Variants in ATXN7L1 observed in about 807,000 individuals in gnomAD.
ATXN7L1 encodes the protein ataxin-7-like protein 1.
ATXN7L1 carries 15 observed loss-of-function variants against 70.8 expected under a neutral mutation model. That is an observed-to-expected ratio of 0.21 (90% CI 0.14 to 0.33). ATXN7L1 has a LOEUF of 0.33. Among genes scored for constraint, ATXN7L1 ranks in the 10% least tolerant of loss-of-function variants. ATXN7L1 has a pLI of 1.00. For missense variants in ATXN7L1, 975 were observed against 1,097.1 expected, an observed-to-expected ratio of 0.89 and a Z score of 1.57; for synonymous variants, 440 against 445.1, an observed-to-expected ratio of 0.99 and a Z score of 0.14.
At chr7:105,840,204 A>T (rs1813003862) in intron 2 of ATXN7L1, among the ~76,000 whole-genome samples, 1 of 152,172 alleles carries the variant, frequency 6.6e-6, no homozygotes, top group South Asian at 2.1e-4. Flanking sequence ...TGAGTGTAGG[A>T]GCAGAGTGAC....
At chr7:105,616,467 C>T (rs1793907230) in intron 9 of ATXN7L1, among the ~76,000 whole-genome samples, 1 of 152,184 alleles carries the variant, frequency 6.6e-6, no homozygotes, top group African/African-American at 2.4e-5. Context: ...GGATCAAATA[C>T]AAGAGAAAAA....
intron 2 of ATXN7L1, among the ~76,000 whole-genome samples, chr7:105,830,619 T>A (rs886480118): frequency 6.6e-5 from 10 of 152,274 alleles, no homozygotes; most frequent in Non-Finnish European, 1.2e-4. Flanking sequence ...ATTCCTGTAT[T>A]CTTACAGAGC....
chr7:105,742,077 T>C (rs1013069964), intron 3 of ATXN7L1, among the ~76,000 whole-genome samples: 3 of 152,170 alleles, frequency 2.0e-5, no homozygotes, highest in African/African-American at 7.2e-5. Context: ...CGCAAACTAA[T>C]GCAGTGGTGT....
intron 5 of ATXN7L1, among the ~76,000 whole-genome samples, chr7:105,639,890 TGCTCTTAAC>T (rs1797923986): frequency 6.6e-6 from 1 of 152,218 alleles, no homozygotes; most frequent in African/African-American, 2.4e-5. Flanking sequence ...CTGCTCTTAA[TGCTCTTAAC>T]GCTTTATTTT....
chr7:105,819,891 C>T, intron 2 of ATXN7L1: 1 of 565,876 alleles, frequency 1.8e-6, no homozygotes, highest in Non-Finnish European at 3.4e-6. Flanking sequence ...CTACAAGAAA[C>T]TTTGCCTACG....
intron 11 of ATXN7L1, among the ~76,000 whole-genome samples, chr7:105,609,370 T>C (rs1040316374): frequency 6.6e-6 from 1 of 152,178 alleles, no homozygotes; most frequent in African/African-American, 2.4e-5. Context: ...GGTTTCACCA[T>C]GTGGGCAAGG....
At chr7:105,852,963 A>G (rs1453258218) in intron 2 of ATXN7L1, among the ~76,000 whole-genome samples, 3 of 152,110 alleles carry the variant, frequency 2.0e-5, no homozygotes, top group Admixed American at 2.0e-4. Context: ...AAGGACACAC[A>G]CTGCATGAAT....
chr7:105,832,721 A>T (rs1811797073), intron 2 of ATXN7L1, among the ~76,000 whole-genome samples: 1 of 152,182 alleles, frequency 6.6e-6, no homozygotes, highest in Admixed American at 6.5e-5. Flanking sequence ...CCAGAACGGA[A>T]CTACTGATTT....
chr7:105,729,334 A>C (rs185276912), intron 3 of ATXN7L1, among the ~76,000 whole-genome samples: 25 of 150,856 alleles, frequency 1.7e-4, no homozygotes, highest in Middle Eastern at 3.4e-3. Context: ...TAAATAAATA[A>C]ATGGAGGAGA....
At chr7:105,643,535 C>G (rs774737100) in intron 4 of ATXN7L1, among the ~76,000 whole-genome samples, 5 of 152,364 alleles carry the variant, frequency 3.3e-5, no homozygotes, top group Admixed American at 2.0e-4. Context: ...CCCCTCCCCC[C>G]GCTGCTCAGC....
At chr7:105,705,070 G>T (rs1429562584) in intron 3 of ATXN7L1, among the ~76,000 whole-genome samples, 1 of 151,734 alleles carries the variant, frequency 6.6e-6, no homozygotes, top group Non-Finnish European at 1.5e-5. Context: ...TGTCACCCAG[G>T]CTGGAGTGCA....
At chr7:105,756,870 C>T (rs1044841054) in intron 3 of ATXN7L1, among the ~76,000 whole-genome samples, 1 of 152,108 alleles carries the variant, frequency 6.6e-6, no homozygotes, top group African/African-American at 2.4e-5. Context: ...GCTACGGCAC[C>T]TACATGATGG....
At chr7:105,661,884 T>C (rs1801661071) in intron 4 of ATXN7L1, among the ~76,000 whole-genome samples, 1 of 152,178 alleles carries the variant, frequency 6.6e-6, no homozygotes, top group South Asian at 2.1e-4. Context: ...GCATGGCAAA[T>C]TGCCCGTGCC....
At chr7:105,867,495 A>G (rs1256753605) in intron 2 of ATXN7L1, among the ~76,000 whole-genome samples, 1 of 152,182 alleles carries the variant, frequency 6.6e-6, no homozygotes, top group Non-Finnish European at 1.5e-5. Context: ...TAGAACCTGC[A>G]ACTCACTATT....
chr7:105,733,597 TCCATCCAC>T (rs1796908217), intron 3 of ATXN7L1, among the ~76,000 whole-genome samples: 2 of 52,266 alleles, frequency 3.8e-5, no homozygotes, highest in African/African-American at 1.6e-4. Flanking sequence ...CATCCATCCA[TCCATCCAC>T]CCATCCATCC....
intron 2 of ATXN7L1, among the ~76,000 whole-genome samples, chr7:105,790,701 A>G (rs571919326): frequency 6.6e-6 from 1 of 150,786 alleles, no homozygotes; most frequent in Non-Finnish European, 1.5e-5. Flanking sequence ...CTATCTATCT[A>G]TCTATCTATC....
chr7:105,806,569 G>A (rs1807644596), intron 2 of ATXN7L1, among the ~76,000 whole-genome samples: 1 of 152,120 alleles, frequency 6.6e-6, no homozygotes, highest in Admixed American at 6.5e-5. Flanking sequence ...AGACAGAGTG[G>A]GGACATCATG....
rs776428976 is a variant in ATXN7L1 at position 105,614,755 on chromosome 7, C to T, written c.1579G>A (p.Val527Ile). The stretch of plus-strand genomic sequence containing the variant: ...AAAGGCTGCAAAACGGATGCTGGAA[C>T]GGGGGTGGTGATGTGGGCTGCTGGC... ...PSPAAHITTP[V>I]PASVLQPFSN... is the part of the protein sequence containing the mutation. Residue 527 changes from valine (V) to isoleucine (I), a missense_variant, in exon 10 of 12, where the codon GTT becomes ATT. Physicochemically the swap from Val to Ile is conservative, Grantham distance 29. Around this residue, in one of 5 missense-constraint regions of ATXN7L1, gnomAD observed 635 missense variants for 699.4 expected, o/e 0.91. Coordinates refer to ENST00000419735, the MANE Select transcript of ATXN7L1 (RefSeq NM_020725.2). The surrounding 1 kb of genome is among the most constrained non-coding windows in gnomAD (Gnocchi z 4.3). The T allele has an allele frequency of 6.8e-5, 106 of 1,551,510 alleles. No individual in the cohort carries two copies. Among genetic ancestry groups the T allele is most frequent in the Non-Finnish European group, 8.4e-5 (96 of 1,146,984 alleles).
At chr7:105,786,605 C>G (rs971097526) in intron 3 of ATXN7L1, among the ~76,000 whole-genome samples, 1 of 152,124 alleles carries the variant, frequency 6.6e-6, no homozygotes, top group African/African-American at 2.4e-5. Flanking sequence ...ACAGCAACCT[C>G]GAACTGCTGG....
Sources: gnomAD v4.1 joint callset for allele counts (sites outside exome capture counted in the v4.1 genomes callset) on GRCh38, gnomAD v4.1.1 for gene constraint, gnomAD v4.1.1 regional missense constraint, Gnocchi (gnomAD v3.1) non-coding constraint, MANE v1.5 for transcripts, NCBI Gene and HGNC (gene_info 2026-07-23, HGNC 2026-07-21) for gene names.